The following ARPP21 variants were observed in gnomAD, a reference collection of about 807,000 sequenced individuals.
ARPP21 encodes cAMP regulated phosphoprotein 21, also known as cAMP-regulated phosphoprotein 21.
In ARPP21, 69 loss-of-function variants were observed where a neutral mutation model predicts 113.2. The ratio of observed to expected loss-of-function variants is 0.61; its 90% CI spans 0.50 to 0.74. The LOEUF is 0.74. Among genes scored for constraint, ARPP21 ranks in the 30% least tolerant of loss-of-function variants. The pLI is 0.00. For missense variants in ARPP21, 1,070 were observed against 1,037.4 expected, an observed-to-expected ratio of 1.03 and a Z score of -0.43; for synonymous variants, 368 against 375.5, an observed-to-expected ratio of 0.98 and a Z score of 0.23.
Position 35,737,272 on chromosome 3 carries a change from A to G in ARPP21, c.1554A>G (p.Gln518=), listed in dbSNP as rs773574547. 3 of 1,612,292 alleles carry G rather than the reference A, an allele frequency of 1.9e-6. No individual in the cohort carries two copies. The African/African-American group carries it at 4.0e-5, about 22-fold the overall frequency. The change falls in exon 16 of 21, where the codon CAA becomes CAG. Residue 518 remains glutamine, a synonymous_variant. Coordinates refer to ENST00000684406, the MANE Select transcript of ARPP21 (RefSeq NM_001385562.1). ...PLRSAMVGQS[Q]QQPPQQQPSP... ...GAAGCGCCATGGTGGGGCAGTCCCA[A>G]CAGCAGCCACCACAGCAGCAGCCCT...
At chr3:35,785,388 G>T (rs2096609136) in intron 19 of ARPP21, among the ~76,000 whole-genome samples, 1 of 152,160 alleles carries the variant, frequency 6.6e-6, no homozygotes, top group Non-Finnish European at 1.5e-5. Flanking sequence ...TCAATAATAT[G>T]ACAGCCTCTT....
In ARPP21 at chr3:35,723,748, G is replaced by A. The variant is rs191565475; in HGVS notation, c.1225+1914G>A. On this transcript the variant is annotated intron_variant, in intron 14 of 20. Coordinates refer to ENST00000684406, the MANE Select transcript of ARPP21 (RefSeq NM_001385562.1). ...GAAACATTTAAAACACTTCAAAAAT[G>A]TTAAAATGCCATGTTCTTTGAAGAA... Among the ~76,000 whole-genome samples the A allele has an allele frequency of 7.1e-3, 1,077 of 152,280 alleles. 4 individuals carry two copies. The highest frequency in any genetic ancestry group is 0.011 in the Non-Finnish European group (759 of 68,018).
In ARPP21 at chr3:35,720,860, A is replaced by G. The variant is rs189018772; in HGVS notation, c.996-745A>G. On this transcript the variant is annotated intron_variant, in intron 13 of 20. Transcript: ENST00000684406. Reference sequence around the variant, plus strand: ...GAAGTTTGAACAAATGTGTTCTTTCACCTGAGGAGCTTTTTTTGTTATTTC... The same window carrying G: ...GAAGTTTGAACAAATGTGTTCTTTCGCCTGAGGAGCTTTTTTTGTTATTTC... Among the ~76,000 whole-genome samples, 491 of 152,206 alleles carry G rather than the reference A, an allele frequency of 3.2e-3. 2 individuals carry two copies. Among genetic ancestry groups the G allele is most frequent in the African/African-American group, 0.011 (471 of 41,544 alleles).
At chr3:35,687,943 A>G in intron 6 of ARPP21, 60 bp downstream of exon 6, 2 of 1,488,906 alleles carry the variant, frequency 1.3e-6, no homozygotes, top group Non-Finnish European at 1.8e-6. Context: ...GTCACAGAAC[A>G]CATTCTAGAT....
Position 35,743,883 on chromosome 3 carries a change from C to G in ARPP21, c.2055C>G (p.Thr685=). The G allele has an allele frequency of 6.2e-7, 1 of 1,614,134 alleles. No individual in the cohort carries two copies. Among genetic ancestry groups the G allele is most frequent in the Non-Finnish European group, 8.5e-7 (1 of 1,179,944 alleles). The change falls in exon 19 of 21, where the codon ACC becomes ACG. Residue 685 remains threonine, a synonymous_variant. Transcript: ENST00000684406. ...YYPSGQYPTS[T]TQQYRPMAPV... ...CATCTGGTCAGTACCCTACCTCAAC[C>G]ACGCAACAGTACCGGCCCATGGCCC...
chr3:35,671,592 G>A (rs2076360804), intron 1 of ARPP21, among the ~76,000 whole-genome samples: 1 of 152,052 alleles, frequency 6.6e-6, no homozygotes, highest in Non-Finnish European at 1.5e-5. Context: ...TTTAAGAGGA[G>A]GCAGAGCAGG....
At chr3:35,675,716 C>T (rs1424018522) in intron 1 of ARPP21, among the ~76,000 whole-genome samples, 1 of 151,830 alleles carries the variant, frequency 6.6e-6, no homozygotes, top group African/African-American at 2.4e-5. Flanking sequence ...ATTGCATTTT[C>T]TCTATCTAAC....
chr3:35,728,224 T>TC (rs1559762466), intron 14 of ARPP21, among the ~76,000 whole-genome samples: 2 of 141,376 alleles, frequency 1.4e-5, no homozygotes, highest in African/African-American at 5.2e-5. Flanking sequence ...CCTTTTTTTT[T>TC]TTTTTTTTTT....
Position 35,721,734 on chromosome 3 carries a change from G to A in ARPP21, c.1125G>A (p.Lys375=). 1 of 1,613,874 alleles carries A rather than the reference G, an allele frequency of 6.2e-7. No homozygotes were observed. Among genetic ancestry groups the A allele is most frequent in the Admixed American group, 1.7e-5 (1 of 59,994 alleles). The stretch of plus-strand genomic sequence containing the variant: ...CCGACAGTTCCAACCGCAATCTAAA[G>A]CCCGCCATGACCAAGACGGCGAGTT... ...TDSDSSNRNL[K]PAMTKTASFG... Residue 375 remains lysine, a synonymous_variant, in exon 14 of 21, where the codon AAG becomes AAA. Coordinates refer to ENST00000684406, the MANE Select transcript of ARPP21 (RefSeq NM_001385562.1).
chr3:35,675,536 T>G (rs1159596138), intron 1 of ARPP21, among the ~76,000 whole-genome samples: 1 of 151,916 alleles, frequency 6.6e-6, no homozygotes, highest in Non-Finnish European at 1.5e-5. Context: ...TTCAGATTAT[T>G]GACATCCTGA....
At chr3:35,708,943 C>G in intron 10 of ARPP21, 26 bp from the exon 11 acceptor site, 2 of 1,535,324 alleles carry the variant, frequency 1.3e-6, no homozygotes, top group Non-Finnish European at 1.8e-6. Flanking sequence ...CTTGGATAAC[C>G]CTCCTGATTT....
intron 9 of ARPP21, among the ~76,000 whole-genome samples, chr3:35,693,393 G>T (rs1050237197): frequency 6.6e-6 from 1 of 151,624 alleles, no homozygotes; most frequent in Admixed American, 6.6e-5. Context: ...TTGAGTGGCT[G>T]TTGAGGTATG....
intron 1 of ARPP21, among the ~76,000 whole-genome samples, chr3:35,667,968 A>AGAG (rs1459568991): frequency 8.3e-6 from 1 of 120,100 alleles, no homozygotes; most frequent in Non-Finnish European, 1.8e-5. Context: ...AAGAAGAAGA[A>AGAG]GAAGAAGAAG....
intron 19 of ARPP21, among the ~76,000 whole-genome samples, chr3:35,770,475 T>C (rs986684712): frequency 6.6e-6 from 1 of 152,194 alleles, no homozygotes; most frequent in Non-Finnish European, 1.5e-5. Flanking sequence ...CATTCTAGAA[T>C]AGCATATGGT....
chr3:35,701,773 T>C (rs1339469883), intron 9 of ARPP21, among the ~76,000 whole-genome samples: 1 of 148,992 alleles, frequency 6.7e-6, no homozygotes, highest in Non-Finnish European at 1.5e-5. Context: ...AGGGTAGGAG[T>C]GGTTGACATA....
At chr3:35,689,601 A>G (rs2081628467) in intron 7 of ARPP21, among the ~76,000 whole-genome samples, 1 of 151,594 alleles carries the variant, frequency 6.6e-6, no homozygotes, top group South Asian at 2.1e-4. Flanking sequence ...TTAATAAATT[A>G]TACTTTAACA....
At chr3:35,736,342 T>G (rs1424575180) in intron 15 of ARPP21, among the ~76,000 whole-genome samples, 1 of 152,156 alleles carries the variant, frequency 6.6e-6, no homozygotes, top group Non-Finnish European at 1.5e-5. Flanking sequence ...CAGCTTTTTA[T>G]TCCCATAATT....
chr3:35,717,793 T>C (rs538344248), intron 13 of ARPP21, among the ~76,000 whole-genome samples: 2 of 152,138 alleles, frequency 1.3e-5, no homozygotes, highest in South Asian at 2.1e-4. Context: ...TTTTCAAGGG[T>C]GAATTTTATT....
intron 5 of ARPP21, among the ~76,000 whole-genome samples, chr3:35,686,453 C>T (rs2080616412): frequency 6.6e-6 from 1 of 151,594 alleles, no homozygotes; most frequent in African/African-American, 2.4e-5. Context: ...TATTGCGTGA[C>T]ATTATAAGCA....
Sources: gnomAD v4.1 joint callset for allele counts (sites outside exome capture counted in the v4.1 genomes callset) on GRCh38, gnomAD v4.1.1 for gene constraint, MANE v1.5 for transcripts, NCBI Gene and HGNC (gene_info 2026-07-23, HGNC 2026-07-21) for gene names.